The following SIVA1 variants were observed in gnomAD, a reference collection of about 807,000 sequenced individuals.
SIVA1 encodes the protein SIVA1 apoptosis inducing factor.
Under a neutral mutation model 19.7 loss-of-function variants are expected in SIVA1, and 10 were observed. That is an observed-to-expected ratio of 0.51 (90% confidence interval 0.31 to 0.86). The LOEUF (loss-of-function observed/expected upper bound fraction) is 0.86, where lower values mean the gene tolerates loss of function less well. Among genes scored for constraint, SIVA1 ranks in the 40% least tolerant of loss-of-function variants. SIVA1 has a pLI of 0.04. For missense variants in SIVA1, 241 were observed against 245.2 expected, an observed-to-expected ratio of 0.98 and a Z score of 0.11; for synonymous variants, 130 against 106.1, an observed-to-expected ratio of 1.23 and a Z score of -1.39.
intron 1 of SIVA1, chr14:104,753,730 C>T (rs1205103932): frequency 2.2e-6 from 1 of 449,764 alleles, no homozygotes; most frequent in East Asian, 6.8e-5. Context: ...CCTCCTGTCC[C>T]AAGAGGTATT....
rs1261301418 is a variant in SIVA1 at position 104,756,641 on chromosome 14, C to A, written c.351C>A (p.Cys117Ter). The A allele has an allele frequency of 4.3e-6, 7 of 1,614,084 alleles. No individual in the cohort carries two copies. The highest frequency in any genetic ancestry group is 4.0e-5 in the African/African-American group (3 of 74,944). The change falls in exon 3 of 4, where the codon TGC (cysteine) becomes TGA (stop). Residue 117 changes from cysteine to a stop codon, truncating the protein, a stop_gained. Coordinates refer to ENST00000329967, the MANE Select transcript of SIVA1 (RefSeq NM_006427.4). LOFTEE classifies it high-confidence loss of function. ...TAGCGTCCATTGCCTGTTCCTCATG[C>A]GTGCGAGCCGTGGATGGGAAGGCGG... ...SGVASIACSS[C>*]VRAVDGKAVC...
chr14:104,754,465 T>C (rs1295222601), intron 1 of SIVA1, among the ~76,000 whole-genome samples: 1 of 152,066 alleles, frequency 6.6e-6, no homozygotes, highest in African/African-American at 2.4e-5. Flanking sequence ...GTTGAAAAAT[T>C]CAAACACTGT....
At chr14:104,753,594 C>T in intron 1 of SIVA1, 2 of 500,626 alleles carry the variant, frequency 4.0e-6, no homozygotes, top group Admixed American at 3.4e-5. Context: ...TTCCACGATC[C>T]CGGTTAGTCG....
chr14:104,755,564 C>G (rs1023123755), intron 1 of SIVA1, 66 bp from the exon 2 acceptor site: 53 of 1,393,932 alleles, frequency 3.8e-5, no homozygotes, highest in Non-Finnish European at 4.9e-5. Context: ...TAGAAAGACT[C>G]AATGGCCATG....
At chr14:104,757,441 T>C (rs1191280307) in intron 3 of SIVA1, 7 of 257,984 alleles carry the variant, frequency 2.7e-5, no homozygotes, top group Non-Finnish European at 3.2e-5. Context: ...AACCACATGT[T>C]ACATCTCGAG....
chr14:104,754,156 C>CT (rs1465626046), intron 1 of SIVA1, among the ~76,000 whole-genome samples: 1 of 152,064 alleles, frequency 6.6e-6, no homozygotes, highest in African/African-American at 2.4e-5. Context: ...GATCATCACT[C>CT]TGACTGGGGT....
chr14:104,755,738 C>A lies in SIVA1; in HGVS notation c.227C>A (p.Thr76Lys). ...HLPESPKPGP[T>K]GAPRAARGQM... ...CCAGAGTCCCCAAAGCCTGGCCCTACAGGGGCCCCGAGGGCTGCACGTGGG... is the reference window on the plus strand; with the variant it reads ...CCAGAGTCCCCAAAGCCTGGCCCTAAAGGGGCCCCGAGGGCTGCACGTGGG... Residue 76 changes from threonine to lysine, a missense_variant, in exon 2 of 4, where the codon ACA (threonine) becomes AAA (lysine). Transcript: ENST00000329967. 1 of 1,614,124 alleles carries A rather than the reference C, an allele frequency of 6.2e-7. No individual in the cohort carries two copies. Among genetic ancestry groups the A allele is most frequent in the Non-Finnish European group, 8.5e-7 (1 of 1,179,988 alleles).
At chr14:104,755,307 C>T (rs895454788) in intron 1 of SIVA1, among the ~76,000 whole-genome samples, 13 of 152,114 alleles carry the variant, frequency 8.5e-5, no homozygotes, top group Admixed American at 4.6e-4. Flanking sequence ...CTTAGTGAGG[C>T]GAGGCCAGCC....
intron 2 of SIVA1, 92 bp downstream of exon 2, chr14:104,755,916 TC>T (rs1170182967): frequency 1.6e-6 from 2 of 1,246,230 alleles, no homozygotes; most frequent in Non-Finnish European, 2.3e-6. Context: ...AGGCTTTTCC[TC>T]CCTGGGTAAG....
intron 1 of SIVA1, among the ~76,000 whole-genome samples, 153 bp downstream of exon 1, chr14:104,753,472 T>G (rs952796580): frequency 2.0e-5 from 3 of 152,102 alleles, no homozygotes; most frequent in African/African-American, 7.2e-5. Flanking sequence ...GGACACAAGC[T>G]GGCCACGCCC....
chr14:104,753,875 C>A, intron 1 of SIVA1: 1 of 421,818 alleles, frequency 2.4e-6, no homozygotes, highest in Admixed American at 2.5e-5. Context: ...CACAGGTGGT[C>A]GGGGCAGGCA....
rs144031294 is a variant in SIVA1 at position 104,756,651 on chromosome 14, G to A, written c.361G>A (p.Val121Met). Residue 121 changes from valine to methionine, a missense_variant, in exon 3 of 4, where the codon GTG becomes ATG. By Grantham distance (21) the Val-to-Met change is conservative (BLOSUM62 1). Coordinates refer to ENST00000329967, the MANE Select transcript of SIVA1 (RefSeq NM_006427.4). ...SIACSSCVRA[V>M]DGKAVCGQCE... The stretch of plus-strand genomic sequence containing the variant: ...TGCCTGTTCCTCATGCGTGCGAGCC[G>A]TGGATGGGAAGGCGGTCTGCGGTCA... 8.0e-4 allele frequency: 1,289 copies of A among 1,614,216 alleles called. 11 individuals are homozygous for A. The highest frequency in any genetic ancestry group is 6.6e-4 in the Middle Eastern group (4 of 6,062).
intron 2 of SIVA1, 183 bp downstream of exon 2, chr14:104,756,007 T>C: frequency 1.4e-6 from 1 of 712,104 alleles, no homozygotes; most frequent in South Asian, 1.5e-5. Flanking sequence ...GACTGGAAGT[T>C]GTTAAACAGC....
At chr14:104,753,913 A>T (rs1229278667) in intron 1 of SIVA1, 1 of 353,434 alleles carries the variant, frequency 2.8e-6, no homozygotes, top group African/African-American at 2.1e-5. Context: ...ACCTGCAGGG[A>T]TGGCACGGAA....
chr14:104,753,649 G>A, intron 1 of SIVA1: 1 of 451,288 alleles, frequency 2.2e-6, no homozygotes, highest in South Asian at 1.9e-5. Context: ...TCTCAGGACT[G>A]TCCCGTGCAG....
rs746975954 is a variant in SIVA1 at position 104,756,709 on chromosome 14, G to T, written c.419G>T (p.Arg140Leu). Residue 140 changes from arginine to leucine, a missense_variant, in exon 3 of 4, where the codon CGC (arginine) becomes CTC (leucine). Arg to Leu is a moderately radical substitution (Grantham distance 102). Transcript: ENST00000329967. ...CGAGCCCTGTGCGGGCAGTGTGTGC[G>T]CACCTGCTGGGGCTGCGGCTCCGTG... ...CERALCGQCV[R>L]TCWGCGSVAC... The T allele has an allele frequency of 6.2e-7, 1 of 1,614,094 alleles. No individual in the cohort carries two copies. Among genetic ancestry groups the T allele is most frequent in the South Asian group, 1.1e-5 (1 of 91,072 alleles).
At position 104,756,624 on chromosome 14, in the gene SIVA1, A is replaced by G. The variant is rs1891898175; in HGVS notation, c.334A>G (p.Ile112Val). The G allele has an allele frequency of 1.9e-6, 3 of 1,614,180 alleles. No homozygotes were observed. Among genetic ancestry groups the G allele is most frequent in the Non-Finnish European group, 2.5e-6 (3 of 1,180,012 alleles). Residue 112 changes from isoleucine (I) to valine (V), a missense_variant, in exon 3 of 4, where the codon ATT (isoleucine) becomes GTT (valine). Transcript: ENST00000329967. Reference protein sequence around the residue: ...SEADPSGVASIACSSCVRAVD... With the variant: ...SEADPSGVASVACSSCVRAVD... ...CACAGACCCATCTGGGGTAGCGTCCATTGCCTGTTCCTCATGCGTGCGAGC... is the reference window on the plus strand; with the variant it reads ...CACAGACCCATCTGGGGTAGCGTCCGTTGCCTGTTCCTCATGCGTGCGAGC...
chr14:104,756,164 T>C (rs1891881733), intron 2 of SIVA1: 2 of 463,860 alleles, frequency 4.3e-6, no homozygotes, highest in Non-Finnish European at 7.9e-6. Context: ...ATCACCTGTG[T>C]TGCTGGTTAG....
At chr14:104,757,476 G>T (rs544226265) in intron 3 of SIVA1, 67 of 242,622 alleles carry the variant, frequency 2.8e-4, no homozygotes, top group African/African-American at 1.5e-3. Flanking sequence ...CCTTTCTTCA[G>T]TCGGGGCAGA....
Sources: gnomAD v4.1 joint callset for allele counts (sites outside exome capture counted in the v4.1 genomes callset) on GRCh38, gnomAD v4.1.1 for gene constraint, MANE v1.5 for transcripts, NCBI Gene and HGNC (gene_info 2026-07-23, HGNC 2026-07-21) for gene names.